Variants in ANO2 observed in about 807,000 individuals in gnomAD.
The protein encoded by ANO2 is anoctamin-2.
Under a neutral mutation model 124.2 loss-of-function variants are expected in ANO2, and 101 were observed. That is an observed-to-expected ratio of 0.81 (90% CI 0.69 to 0.96). The LOEUF (loss-of-function observed/expected upper bound fraction) is 0.96, where lower values mean the gene tolerates loss of function less well. Ranked by LOEUF, ANO2 falls within the 40% of genes least tolerant of loss-of-function variation. The probability of loss-of-function intolerance (pLI) is 0.00; values close to 1 mark genes in which losing one functional copy is unlikely to be tolerated. For missense variants in ANO2, 1,293 were observed against 1,274.5 expected, an observed-to-expected ratio of 1.01 and a Z score of -0.22; for synonymous variants, 486 against 482.5, an observed-to-expected ratio of 1.01 and a Z score of -0.09.
Position 5,843,443 on chromosome 12 carries a change from G to A in ANO2, c.633+10600C>T, listed in dbSNP as rs568932162. Among the ~76,000 whole-genome samples the A allele has an allele frequency of 1.8e-4, 27 of 152,204 alleles. No homozygotes were observed. The South Asian group carries it at 5.0e-3, about 28-fold the overall frequency. ...CGCACACCTATAATCCCAGCTACTT[G>A]GGAGGCTGCGGTATGAGAATTGCTT... On this transcript the variant is annotated intron_variant, in intron 4 of 24. Coordinates refer to ENST00000682330, the MANE Select transcript of ANO2 (RefSeq NM_001364791.2).
At chr12:5,694,703 G>A (rs748105590) in intron 14 of ANO2, among the ~76,000 whole-genome samples, 4 of 152,150 alleles carry the variant, frequency 2.6e-5, no homozygotes, top group Non-Finnish European at 5.9e-5. Flanking sequence ...GTTTGCAGTG[G>A]AGCAAAGGAG....
At chr12:5,795,118 G>A (rs991245915) in intron 10 of ANO2, among the ~76,000 whole-genome samples, 5 of 152,184 alleles carry the variant, frequency 3.3e-5, no homozygotes, top group African/African-American at 1.2e-4. Context: ...GGGGAACCCT[G>A]GCAAGGACGG....
chr12:5,851,684 CA>C (rs548897910), intron 4 of ANO2, among the ~76,000 whole-genome samples: 2,421 of 62,554 alleles, frequency 0.039, 52 homozygotes, highest in African/African-American at 0.11. Flanking sequence ...GACTCCATCT[CA>C]AAAAAAAAAA....
intron 14 of ANO2, among the ~76,000 whole-genome samples, chr12:5,704,011 T>C (rs538057928): frequency 8.5e-5 from 13 of 152,300 alleles, no homozygotes; most frequent in African/African-American, 2.6e-4. Flanking sequence ...ATTTCCAGAA[T>C]TGGGGAGCTC....
chr12:5,823,573 A>T (rs1276177212), intron 7 of ANO2, among the ~76,000 whole-genome samples: 2 of 152,162 alleles, frequency 1.3e-5, no homozygotes, highest in African/African-American at 4.8e-5. Flanking sequence ...GTGGCTTTGC[A>T]GGGTACAGCC....
At chr12:5,849,706 G>T (rs1182264265) in intron 4 of ANO2, among the ~76,000 whole-genome samples, 1 of 152,110 alleles carries the variant, frequency 6.6e-6, no homozygotes, top group Non-Finnish European at 1.5e-5. Context: ...TCTCGATTTT[G>T]TGATTTCCTC....
chr12:5,760,697 A>T (rs946592949), intron 10 of ANO2, among the ~76,000 whole-genome samples: 6 of 152,102 alleles, frequency 3.9e-5, no homozygotes, highest in Non-Finnish European at 2.9e-5. Flanking sequence ...GGCCCTCCAG[A>T]AGGTCTTCTG....
intron 11 of ANO2, among the ~76,000 whole-genome samples, chr12:5,748,824 G>A (rs1222755968): frequency 1.4e-5 from 2 of 145,086 alleles, no homozygotes; most frequent in South Asian, 2.2e-4. Context: ...ACTTGCCCTC[G>A]GCCTCCCTCC....
intron 10 of ANO2, among the ~76,000 whole-genome samples, chr12:5,793,926 G>C (rs1017007142): frequency 6.6e-6 from 1 of 152,164 alleles, no homozygotes; most frequent in African/African-American, 2.4e-5. Flanking sequence ...GCACTCCATG[G>C]AGGAAATGAG....
chr12:5,911,608 C>G (rs1941053747), intron 3 of ANO2, among the ~76,000 whole-genome samples: 1 of 152,140 alleles, frequency 6.6e-6, no homozygotes, highest in Non-Finnish European at 1.5e-5. Flanking sequence ...AGGGCAGGCA[C>G]CAGCCACGAA....
chr12:5,931,276 C>A (rs1169271706), intron 1 of ANO2, among the ~76,000 whole-genome samples: 1 of 152,086 alleles, frequency 6.6e-6, no homozygotes, highest in Admixed American at 6.5e-5. Context: ...CCATTACCCA[C>A]ACCATCATGC....
At chr12:5,672,844 C>T (rs913860670) in intron 14 of ANO2, among the ~76,000 whole-genome samples, 5 of 152,164 alleles carry the variant, frequency 3.3e-5, no homozygotes, top group African/African-American at 1.2e-4. Flanking sequence ...TATAATAGAA[C>T]AGGTAATGCC....
At position 5,923,273 on chromosome 12, in the gene ANO2, C is replaced by T. The variant is rs866395192; in HGVS notation, c.23-469G>A. ...ACACACACATACACACACACACACA[C>T]ACACACGCACACACACAGCGTGGAG... is the stretch of plus-strand genomic sequence containing the variant. On this transcript the variant is annotated intron_variant, in intron 1 of 24. Coordinates refer to ENST00000682330, the MANE Select transcript of ANO2 (RefSeq NM_001364791.2). Among the ~76,000 whole-genome samples the T allele has an allele frequency of 2.6e-3, 394 of 149,400 alleles. 9 individuals carry two copies. Among genetic ancestry groups the T allele is most frequent in the African/African-American group, 9.6e-3 (380 of 39,526 alleles).
chr12:5,797,697 C>A (rs1331622685), intron 10 of ANO2, among the ~76,000 whole-genome samples: 1 of 152,150 alleles, frequency 6.6e-6, no homozygotes, highest in African/African-American at 2.4e-5. Context: ...CACATGCTGC[C>A]CAGCGTCCCA....
At chr12:5,780,602 T>C (rs1270558741) in intron 10 of ANO2, among the ~76,000 whole-genome samples, 1 of 152,118 alleles carries the variant, frequency 6.6e-6, no homozygotes, top group Non-Finnish European at 1.5e-5. Flanking sequence ...AACAAAGTGA[T>C]AGTTGGAAAT....
intron 10 of ANO2, among the ~76,000 whole-genome samples, chr12:5,763,857 A>C (rs1951805598): frequency 1.3e-5 from 2 of 152,196 alleles, no homozygotes; most frequent in Non-Finnish European, 2.9e-5. Context: ...AATTAATAGA[A>C]AAAAGTCAAT....
At chr12:5,888,789 G>A (rs1939166296) in intron 3 of ANO2, among the ~76,000 whole-genome samples, 1 of 152,342 alleles carries the variant, frequency 6.6e-6, no homozygotes, top group Non-Finnish European at 1.5e-5. Flanking sequence ...TGGACATAAA[G>A]GTTCTCCAAG....
intron 16 of ANO2, among the ~76,000 whole-genome samples, chr12:5,628,860 A>G (rs1945551381): frequency 6.6e-6 from 1 of 152,210 alleles, no homozygotes; most frequent in South Asian, 2.1e-4. Flanking sequence ...AGTAAAATGA[A>G]AGAAATGACC....
In ANO2 at chr12:5,802,015, G is replaced by C. The variant is rs145763634; in HGVS notation, c.991-2444C>G. Reference sequence around the variant, plus strand: ...CCCTCGAGAGCTATGGGACGTCACTGTCTGCCTCATAGGCTCTGACCTCCA... The same window carrying C: ...CCCTCGAGAGCTATGGGACGTCACTCTCTGCCTCATAGGCTCTGACCTCCA... On this transcript the variant is annotated intron_variant, in intron 9 of 24. Transcript: ENST00000682330. Among the ~76,000 whole-genome samples the C allele has an allele frequency of 4.7e-3, 711 of 152,276 alleles. 8 individuals are homozygous for C. The highest frequency in any genetic ancestry group is 0.016 in the African/African-American group (677 of 41,562).
Sources: allele counts gnomAD v4.1 joint callset (sites outside exome capture counted in the v4.1 genomes callset), GRCh38; gene constraint gnomAD v4.1.1; transcripts MANE v1.5; gene names NCBI Gene and HGNC (gene_info 2026-07-23, HGNC 2026-07-21).